The following WDFY4 variants were observed in gnomAD, a reference collection of about 807,000 sequenced individuals.
WDFY4 encodes WD repeat- and FYVE domain-containing protein 4.
A neutral mutation model predicts 351.9 loss-of-function variants in WDFY4; 169 were observed. That is an observed-to-expected ratio of 0.48 (90% confidence interval 0.42 to 0.55). The LOEUF is 0.55. Ranked by LOEUF, WDFY4 falls within the 20% of genes least tolerant of loss-of-function variation. The pLI is 0.00. For missense variants in WDFY4, 3,803 were observed against 3,935.6 expected (o/e 0.97, Z 0.90); for synonymous variants, 1,622 against 1,574.6 (o/e 1.03, Z -0.71).
chr10:48,926,356 T>G (rs1839570020), intron 47 of WDFY4, among the ~76,000 whole-genome samples: 1 of 152,196 alleles, frequency 6.6e-6, no homozygotes, highest in Non-Finnish European at 1.5e-5. Context: ...AGACACTTGC[T>G]CCAGCCCATT....
At chr10:48,792,886 C>T (rs1028609788) in intron 23 of WDFY4, among the ~76,000 whole-genome samples, 12 of 152,036 alleles carry the variant, frequency 7.9e-5, no homozygotes, top group Admixed American at 3.3e-4. Context: ...GGTGGGTGGG[C>T]GCGGTGAGCT....
rs1396356755 is a variant in WDFY4, at chr10:48,890,589, A to C, written c.7178A>C (p.Lys2393Thr). 9.0e-6 allele frequency: 14 copies of C among 1,551,548 alleles called. No individual in the cohort carries two copies. Among genetic ancestry groups the C allele is most frequent in the African/African-American group, 1.4e-5 (1 of 73,032 alleles). ...ACTCTCTCCTTCCAGGTGACGCAGAAGTTCTCCCTGGTGATTGTGCAGGGC... is the reference window on the plus strand; with the variant it reads ...ACTCTCTCCTTCCAGGTGACGCAGACGTTCTCCCTGGTGATTGTGCAGGGC... ...ELLDKEKVTQ[K>T]FSLVIVQGHL... Residue 2393 changes from lysine to threonine, a missense_variant, in exon 44 of 62, where the codon AAG (lysine) becomes ACG (threonine). This residue lies in a region of WDFY4 where 3,054 missense variants were observed against 3,148.6 expected (regional missense o/e 0.97). Transcript: ENST00000325239.
intron 43 of WDFY4, among the ~76,000 whole-genome samples, chr10:48,886,146 A>G (rs900612149): frequency 6.6e-6 from 1 of 152,194 alleles, no homozygotes; most frequent in Non-Finnish European, 1.5e-5. Flanking sequence ...GGGTACCTTC[A>G]GTCACCTCTC....
intron 19 of WDFY4, among the ~76,000 whole-genome samples, chr10:48,780,711 C>T (rs2066191579): frequency 6.6e-6 from 1 of 152,198 alleles, no homozygotes; most frequent in Admixed American, 6.5e-5. Flanking sequence ...CTGGCAGGCG[C>T]CAGCAGCCAT....
At chr10:48,957,028 C>G (rs1841623388) in intron 51 of WDFY4, 101 bp from the exon 52 acceptor site, 2 of 1,428,632 alleles carry the variant, frequency 1.4e-6, no homozygotes, top group African/African-American at 1.4e-5. Context: ...ATGAGAGGAG[C>G]TAATGGTGGA....
Position 48,743,448 on chromosome 10 carries a change from T to G in WDFY4, c.2359T>G (p.Ser787Ala), listed in dbSNP as rs1243712919. 6.5e-7 allele frequency: 1 copy of G among 1,549,578 alleles called. No homozygotes were observed. The highest frequency in any genetic ancestry group is 8.7e-7 in the Non-Finnish European group (1 of 1,146,850). The stretch of plus-strand genomic sequence containing the variant: ...CCACTTGCGTGGGGACCTGAAGGAG[T>G]CCCTGAGGACCAAGCAGGGGCCGGT... ...TLHLRGDLKE[S>A]LRTKQGPVVD... is the part of the protein sequence containing the mutation. Residue 787 changes from serine (S) to alanine (A), a missense_variant, in exon 12 of 62, where the codon TCC (serine) becomes GCC (alanine). This residue lies in a region of WDFY4 where 3,054 missense variants were observed against 3,148.6 expected (regional missense o/e 0.97). Transcript: ENST00000325239.
chr10:48,783,189 T>G (rs2066283602), intron 19 of WDFY4, among the ~76,000 whole-genome samples: 1 of 152,194 alleles, frequency 6.6e-6, no homozygotes, highest in African/African-American at 2.4e-5. Context: ...CCAAACTGCA[T>G]GGATACTCAA....
chr10:48,953,333 T>TCTCACA lies in WDFY4; in HGVS notation c.7978-3795_7978-3794insTCACAC, dbSNP rs771339557. 8.8e-4 allele frequency among the ~76,000 whole-genome samples: 113 copies of TCTCACA among 128,228 alleles called. 2 individuals carry two copies. Among genetic ancestry groups the TCTCACA allele is most frequent in the African/African-American group, 5.6e-4 (19 of 33,800 alleles). The allele number at this position is 128,228 out of a possible 152,430, so 84.1% of individuals were successfully genotyped here. ...CTCTCTCTCTCTCTCTCTCTCTCTC[T>TCTCACA]CACACACACACACACACACACACAC... On this transcript the variant is annotated intron_variant, in intron 51 of 61. Coordinates refer to ENST00000325239, the MANE Select transcript of WDFY4 (RefSeq NM_001394531.1).
Position 48,709,922 on chromosome 10 carries a change from G to A in WDFY4, c.190G>A (p.Glu64Lys), listed in dbSNP as rs1218485777. 1.3e-6 allele frequency: 2 copies of A among 1,552,220 alleles called. No homozygotes were observed. The highest frequency in any genetic ancestry group is 2.0e-5 in the Admixed American group (1 of 51,018). ...GCAGTTGACTCACAAGAGCCCCATTGAGCGTCAGAAGAGCCTGTTGAGTCT... is the reference window on the plus strand; with the variant it reads ...GCAGTTGACTCACAAGAGCCCCATTAAGCGTCAGAAGAGCCTGTTGAGTCT... ...YQQLTHKSPI[E>K]RQKSLLSLLP... The change falls in exon 2 of 62, where the codon GAG (glutamate) becomes AAG (lysine). Residue 64 changes from glutamate to lysine, a missense_variant. Physicochemically the swap from Glu to Lys is moderately conservative, Grantham distance 56 (BLOSUM62 1). This residue lies in a region of WDFY4 where 488 missense variants were observed against 456.8 expected (regional missense o/e 1.07). Transcript: ENST00000325239.
chr10:48,787,301 G>T (rs1202542668), intron 20 of WDFY4, among the ~76,000 whole-genome samples: 1 of 152,312 alleles, frequency 6.6e-6, no homozygotes, highest in East Asian at 1.9e-4. Flanking sequence ...AGTCAAAGGG[G>T]TCAGCTCCCA....
In WDFY4 at chr10:48,890,753, A is replaced by G. The variant is rs1358276410; in HGVS notation, c.7316+26A>G. 5 of 1,551,126 alleles carry G rather than the reference A, an allele frequency of 3.2e-6. No homozygotes were observed. The Admixed American group carries it at 9.8e-5, about 30-fold the overall frequency. ...GTGAGTTATCCACTTCTCCCAGCAG[A>G]TTCTTCCCTGAGCCCCATTCATCCT... On this transcript the variant is annotated intron_variant, in intron 44 of 61. Coordinates refer to ENST00000325239, the MANE Select transcript of WDFY4 (RefSeq NM_001394531.1).
Position 48,731,382 on chromosome 10 carries a change from C to G in WDFY4, c.1402C>G (p.Arg468Gly), listed in dbSNP as rs539358549. 17 of 1,551,624 alleles carry G rather than the reference C, an allele frequency of 1.1e-5. No individual in the cohort carries two copies. Among genetic ancestry groups the G allele is most frequent in the African/African-American group, 5.5e-5 (4 of 73,054 alleles). The change falls in exon 9 of 62, where the codon CGA becomes GGA. Residue 468 changes from arginine to glycine, a missense_variant. Coordinates refer to ENST00000325239, the MANE Select transcript of WDFY4 (RefSeq NM_001394531.1). ...ELHYVPHEIL[R>G]KVQHLIKESP... ...GCACTACGTGCCTCATGAGATCCTG[C>G]GAAAGGTACAGCATCTGATCAAGGA...
rs7916558 is a variant in WDFY4 at position 48,863,564 on chromosome 10, G to C, written c.6664-3701G>C. ...TTGGATTATTTTTCTTTTTATTATT[G>C]ATCTCTAAGTATTTTTGTATATTCT... On this transcript the variant is annotated intron_variant, in intron 39 of 61. Coordinates refer to ENST00000325239, the MANE Select transcript of WDFY4 (RefSeq NM_001394531.1). 5.9e-5 allele frequency among the ~76,000 whole-genome samples: 9 copies of C among 151,810 alleles called. No individual in the cohort carries two copies. The South Asian group carries it at 1.7e-3, about 28-fold the overall frequency.
intron 9 of WDFY4, among the ~76,000 whole-genome samples, chr10:48,731,952 C>T (rs1190331363): frequency 1.3e-5 from 2 of 152,202 alleles, no homozygotes; most frequent in Admixed American, 6.5e-5. Context: ...TCACTCTGTT[C>T]ACTTTGCACT....
intron 47 of WDFY4, among the ~76,000 whole-genome samples, chr10:48,925,442 G>A (rs1839491905): frequency 6.6e-6 from 1 of 152,228 alleles, no homozygotes; most frequent in South Asian, 2.1e-4. Context: ...ATAGCTTGGA[G>A]AATTACCCCT....
At chr10:48,880,781 A>G (rs1446535556) in intron 43 of WDFY4, among the ~76,000 whole-genome samples, 1 of 152,082 alleles carries the variant, frequency 6.6e-6, no homozygotes, top group Non-Finnish European at 1.5e-5. Context: ...CTCTGGCTTC[A>G]TGGGGAATTG....
Position 48,890,664 on chromosome 10 carries a change from T to C in WDFY4, c.7253T>C (p.Ile2418Thr), listed in dbSNP as rs779231761. Residue 2418 changes from isoleucine (I) to threonine (T), a missense_variant, in exon 44 of 62, where the codon ATC (isoleucine) becomes ACC (threonine). This residue lies in a region of WDFY4 where 3,054 missense variants were observed against 3,148.6 expected (regional missense o/e 0.97). Transcript: ENST00000325239. Reference sequence around the variant, plus strand: ...CTTTTTGGCCACCAACACTTCTACATCTGCGAGAACTTCACACTGTCTCCC... The same window carrying C: ...CTTTTTGGCCACCAACACTTCTACACCTGCGAGAACTTCACACTGTCTCCC... ...VLLFGHQHFY[I>T]CENFTLSPTG... 1.0e-5 allele frequency: 16 copies of C among 1,551,578 alleles called. No individual in the cohort carries two copies. The highest frequency in any genetic ancestry group is 1.3e-5 in the Non-Finnish European group (15 of 1,146,996).
intron 9 of WDFY4, 67 bp downstream of exon 9, chr10:48,731,629 A>G (rs1458577455): frequency 2.0e-6 from 3 of 1,468,340 alleles, no homozygotes; most frequent in Non-Finnish European, 1.8e-6. Flanking sequence ...CTTTGGGCCA[A>G]TCTGGCTGCC....
intron 31 of WDFY4, among the ~76,000 whole-genome samples, chr10:48,815,233 C>CT (rs546772864): frequency 3.8e-3 from 580 of 152,330 alleles, no homozygotes; most frequent in African/African-American, 0.013. Context: ...TCCTCACAGC[C>CT]TCAACATCAT....
Sources: gnomAD v4.1 joint callset for allele counts (sites outside exome capture counted in the v4.1 genomes callset) on GRCh38, gnomAD v4.1.1 for gene constraint, gnomAD v4.1.1 regional missense constraint, MANE v1.5 for transcripts, NCBI Gene and HGNC (gene_info 2026-07-23, HGNC 2026-07-21) for gene names.